Variants in DIP2A observed in about 807,000 individuals in gnomAD.
DIP2A encodes the protein disco-interacting protein 2 homolog A.
In DIP2A, 85 loss-of-function variants were observed where a neutral mutation model predicts 177.4. The ratio of observed to expected loss-of-function variants is 0.48; its 90% CI spans 0.40 to 0.57. The LOEUF (loss-of-function observed/expected upper bound fraction) is 0.57. Ranked by LOEUF, DIP2A falls within the 20% of genes least tolerant of loss-of-function variation. The pLI is 0.00. For synonymous variants in DIP2A, 886 were observed against 881.8 expected, an observed-to-expected ratio of 1.00 and a Z score of -0.08; for missense variants, 1,791 against 2,100.2, an observed-to-expected ratio of 0.85 and a Z score of 2.88.
chr21:46,486,025 T>C (rs1382209158), intron 2 of DIP2A, among the ~76,000 whole-genome samples: 4 of 139,982 alleles, frequency 2.9e-5, no homozygotes, highest in Non-Finnish European at 6.0e-5. Flanking sequence ...GAGCCGAGAT[T>C]GTGCCACTGC....
At chr21:46,545,346 G>C (rs1308920853) in intron 19 of DIP2A, 73 bp downstream of exon 19, 4 of 1,513,866 alleles carry the variant, frequency 2.6e-6, no homozygotes, top group Non-Finnish European at 3.6e-6. Flanking sequence ...GGTGTGCTGG[G>C]TGCTGGGGGA....
chr21:46,541,945 C>T (rs749625693), intron 18 of DIP2A, 50 bp downstream of exon 18: 50 of 1,610,158 alleles, frequency 3.1e-5, no homozygotes, highest in Non-Finnish European at 4.0e-5. Context: ...ATTGAGGTAA[C>T]GAAAAGGGTT....
Position 46,539,988 on chromosome 21 carries a change from G to GCAGGTAAC in DIP2A, c.2035_2036+6dup. ...CCTGAGGCGCTGACTGTCGCCATCC[G>GCAGGTAAC]CAGGTAACCTTATTCCTTGCTATGT... On this transcript the variant is annotated stop_gained and frameshift_variant, in exon 17 of 38. Coordinates refer to ENST00000417564, the MANE Select transcript of DIP2A (RefSeq NM_015151.4). LOFTEE classifies it high-confidence loss of function. The GCAGGTAAC allele has an allele frequency of 6.2e-7, 1 of 1,613,018 alleles. No homozygotes were observed. The highest frequency in any genetic ancestry group is 8.5e-7 in the Non-Finnish European group (1 of 1,178,994).
At chr21:46,468,159 G>T (rs2055010555) in intron 1 of DIP2A, among the ~76,000 whole-genome samples, 1 of 151,604 alleles carries the variant, frequency 6.6e-6, no homozygotes, top group Non-Finnish European at 1.5e-5. Context: ...CCAGCTACTC[G>T]GGAGACTGAG....
At chr21:46,515,061 T>G (rs2058509434) in intron 8 of DIP2A, among the ~76,000 whole-genome samples, 1 of 152,272 alleles carries the variant, frequency 6.6e-6, no homozygotes, top group Non-Finnish European at 1.5e-5. Flanking sequence ...TGTTTAGGAT[T>G]TTTACGTCTG....
Position 46,550,754 on chromosome 21 carries a change from A to C in DIP2A, c.2839+10A>C, listed in dbSNP as rs921202789. 2.5e-6 allele frequency: 4 copies of C among 1,613,508 alleles called. No individual in the cohort carries two copies. The highest frequency in any genetic ancestry group is 3.4e-6 in the Non-Finnish European group (4 of 1,179,672). On this transcript the variant is annotated intron_variant, in intron 23 of 37. Transcript: ENST00000417564. Reference sequence around the variant, plus strand: ...CGTCAGAAACAACCAGGTTAGTTGAACCTAACAACAGGATGCTCTCTAGTC... The same window carrying C: ...CGTCAGAAACAACCAGGTTAGTTGACCCTAACAACAGGATGCTCTCTAGTC...
At chr21:46,494,932 G>A (rs1238919888) in intron 3 of DIP2A, among the ~76,000 whole-genome samples, 1 of 151,970 alleles carries the variant, frequency 6.6e-6, no homozygotes, top group Non-Finnish European at 1.5e-5. Context: ...ATTTCTAAGG[G>A]TTTTTTTTAA....
Position 46,556,866 on chromosome 21 carries a change from A to G in DIP2A, c.3499-73A>G. 7.4e-7 allele frequency: 1 copy of G among 1,346,170 alleles called. No homozygotes were observed. The highest frequency in any genetic ancestry group is 2.5e-5 in the East Asian group (1 of 39,428). The allele number at this position is 1,346,170 out of a possible 1,614,324, so 83.4% of individuals were successfully genotyped here. A position where few individuals can be genotyped will look rare whatever the true frequency, so the allele number is the denominator to read the frequency against. ...TATGGTCTAGCCATGTGAACAGCGG[A>G]CACTGCCATCCACCCTCTCCCCTCC... is the stretch of plus-strand genomic sequence containing the variant. On this transcript the variant is annotated intron_variant, in intron 29 of 37. Coordinates refer to ENST00000417564, the MANE Select transcript of DIP2A (RefSeq NM_015151.4). This position sits in a 1 kb window ranked among gnomAD's most constrained non-coding sequence, Gnocchi z 4.5.
Position 46,550,753 on chromosome 21 carries a change from A to G in DIP2A, c.2839+9A>G, listed in dbSNP as rs550015651. On this transcript the variant is annotated intron_variant, in intron 23 of 37. Transcript: ENST00000417564. Reference sequence around the variant, plus strand: ...TCGTCAGAAACAACCAGGTTAGTTGAACCTAACAACAGGATGCTCTCTAGT... The same window carrying G: ...TCGTCAGAAACAACCAGGTTAGTTGGACCTAACAACAGGATGCTCTCTAGT... The G allele has an allele frequency of 3.1e-6, 5 of 1,613,620 alleles. No homozygotes were observed. In the Admixed American group the frequency reaches 6.7e-5, roughly 22 times the overall value.
intron 34 of DIP2A, among the ~76,000 whole-genome samples, chr21:46,562,546 T>A (rs1452214407): frequency 6.6e-6 from 1 of 152,094 alleles, no homozygotes; most frequent in African/African-American, 2.4e-5. Context: ...AGCCAAGCCA[T>A]GTGATGTCCA....
chr21:46,476,472 A>C (rs930218059), intron 1 of DIP2A, among the ~76,000 whole-genome samples: 1 of 152,124 alleles, frequency 6.6e-6, no homozygotes, highest in Admixed American at 6.6e-5. Flanking sequence ...GCACTAGCCC[A>C]GAAGCACAGA....
rs2059985008 is a variant in DIP2A at position 46,545,333 on chromosome 21, C to G, written c.2313+60C>G. 1.9e-6 allele frequency: 3 copies of G among 1,548,650 alleles called. No individual in the cohort carries two copies. The East Asian group carries it at 6.9e-5, about 36-fold the overall frequency. ...AAGTTGCATGAGCACTCATGGGGTC[C>G]CAGGTGTGCTGGGTGCTGGGGGATT... On this transcript the variant is annotated intron_variant, in intron 19 of 37. Coordinates refer to ENST00000417564, the MANE Select transcript of DIP2A (RefSeq NM_015151.4).
rs781667909 is a variant in DIP2A, at chr21:46,509,373, G to A, written c.901G>A (p.Glu301Lys). 4 of 1,609,214 alleles carry A rather than the reference G, an allele frequency of 2.5e-6. No homozygotes were observed. Among genetic ancestry groups the A allele is most frequent in the Admixed American group, 3.4e-5 (2 of 58,774 alleles). Residue 301 changes from glutamate to lysine, a missense_variant, in exon 7 of 38, where the codon GAA (glutamate) becomes AAA (lysine). Transcript: ENST00000417564. ...FFVDDFEELL[E>K]VQQPDPNQPK... ...TGTGGATGATTTTGAGGAATTGTTGGAAGGTAAGAGTTGTCCAACTTTGAG... is the reference window on the plus strand; with the variant it reads ...TGTGGATGATTTTGAGGAATTGTTGAAAGGTAAGAGTTGTCCAACTTTGAG...
Position 46,533,989 on chromosome 21 carries a change from G to C in DIP2A, c.1430-15G>C, listed in dbSNP as rs1569054858. ...CTGACTGCTTGCTGTTCTGTGTCCT[G>C]TCTGTGTGTCACAGGTTGGCCCCCG... On this transcript the variant is annotated splice_polypyrimidine_tract_variant and intron_variant, in intron 11 of 37. Transcript: ENST00000417564. 8 of 1,607,618 alleles carry C rather than the reference G, an allele frequency of 5.0e-6. No individual in the cohort carries two copies. The highest frequency in any genetic ancestry group is 6.8e-6 in the Non-Finnish European group (8 of 1,176,068).
chr21:46,561,760 A>G lies in DIP2A; in HGVS notation c.4044A>G (p.Val1348=), dbSNP rs757329867. The G allele has an allele frequency of 5.6e-6, 9 of 1,614,016 alleles. No individual in the cohort carries two copies. The highest frequency in any genetic ancestry group is 7.6e-6 in the Non-Finnish European group (9 of 1,179,884). The change falls in exon 34 of 38, where the codon GTA becomes GTG. Residue 1348 remains valine (V), a synonymous_variant. Coordinates refer to ENST00000417564, the MANE Select transcript of DIP2A (RefSeq NM_015151.4). ...RALRHDRVRL[V]ERGSPHSLPL... ...CCTTAATTTTTAGGGTTCGTTTGGTAGAACGGGGTTCTCCGCACAGCCTGC... is the reference window on the plus strand; with the variant it reads ...CCTTAATTTTTAGGGTTCGTTTGGTGGAACGGGGTTCTCCGCACAGCCTGC...
Position 46,541,760 on chromosome 21 carries a change from C to G in DIP2A, c.2041C>G (p.Pro681Ala). 1 of 1,613,890 alleles carries G rather than the reference C, an allele frequency of 6.2e-7. No individual in the cohort carries two copies. The highest frequency in any genetic ancestry group is 8.5e-7 in the Non-Finnish European group (1 of 1,179,872). The change falls in exon 18 of 38, where the codon CCT (proline) becomes GCT (alanine). Residue 681 changes from proline (P) to alanine (A), a missense_variant. By Grantham distance (27) the Pro-to-Ala change is conservative (BLOSUM62 -1). Coordinates refer to ENST00000417564, the MANE Select transcript of DIP2A (RefSeq NM_015151.4). ...EALTVAIRRP[P>A]DLGGPPPRKA... ...CATGGTGGTTTTATTTTCTAGGCCACCTGATCTGGGAGGACCACCTCCAAG... is the reference window on the plus strand; with the variant it reads ...CATGGTGGTTTTATTTTCTAGGCCAGCTGATCTGGGAGGACCACCTCCAAG...
At chr21:46,576,394 G>A in the DIP2A span, among the ~76,000 whole-genome samples, 4 of 152,022 alleles carry the variant, frequency 2.6e-5, no homozygotes, top group Admixed American at 1.3e-4. Context: ...CTGTTCCTGC[G>A]TTAGTTTGCT....
chr21:46,467,194 G>A (rs1477831743), intron 1 of DIP2A, among the ~76,000 whole-genome samples: 4 of 151,334 alleles, frequency 2.6e-5, no homozygotes, highest in Non-Finnish European at 5.9e-5. Flanking sequence ...TGCTCGGGAG[G>A]CTGAGGCAGG....
intron 20 of DIP2A, 102 bp downstream of exon 20, chr21:46,546,063 A>T (rs2060022901): frequency 2.5e-6 from 4 of 1,579,326 alleles, no homozygotes. Flanking sequence ...GCCGTTCCTG[A>T]CCTCCCATGT....
Sources: allele counts gnomAD v4.1 joint callset (sites outside exome capture counted in the v4.1 genomes callset), GRCh38; gene constraint gnomAD v4.1.1; non-coding constraint Gnocchi (gnomAD v3.1); transcripts MANE v1.5; gene names NCBI Gene and HGNC (gene_info 2026-07-23, HGNC 2026-07-21).